The following C6orf62 variants were observed in gnomAD, a reference collection of about 807,000 sequenced individuals.
The protein encoded by C6orf62 is chromosome 6 open reading frame 62.
Under a neutral mutation model 26.8 loss-of-function variants are expected in C6orf62, and 16 were observed. The observed-to-expected ratio is 0.60, with a 90% CI of 0.40 to 0.91. The LOEUF (loss-of-function observed/expected upper bound fraction) is 0.91, where lower values mean the gene tolerates loss of function less well. Among genes scored for constraint, C6orf62 ranks in the 40% least tolerant of loss-of-function variants. C6orf62 has a pLI of 0.00. For missense variants in C6orf62, 192 were observed against 271.4 expected, an observed-to-expected ratio of 0.71 and a Z score of 2.06; for synonymous variants, 112 against 91.5, an observed-to-expected ratio of 1.22 and a Z score of -1.28.
In C6orf62 at chr6:24,716,237, C is replaced by CGAT; in HGVS notation, c.216_217insATC (p.Arg72_Asp73insIle). The CGAT allele has an allele frequency of 6.2e-7, 1 of 1,613,542 alleles. No homozygotes were observed. Among genetic ancestry groups the CGAT allele is most frequent in the South Asian group, 1.1e-5 (1 of 91,080 alleles). ...GAACTTTCCAAGGAATAGCTGGAAT[C>CGAT]TCGCACACCTTTCAGGATATTTTCT... On this transcript the variant is annotated inframe_insertion, in exon 2 of 5. Transcript: ENST00000378119.
At chr6:24,710,164 G>A (rs1432802794) in intron 3 of C6orf62, 1 of 984,890 alleles carries the variant, frequency 1.0e-6, no homozygotes, top group Non-Finnish European at 1.2e-6. Flanking sequence ...CAGCCTTAAG[G>A]GGCTTATTAT....
At chr6:24,717,139 T>C (rs965743890) in intron 1 of C6orf62, among the ~76,000 whole-genome samples, 5 of 152,234 alleles carry the variant, frequency 3.3e-5, no homozygotes. Flanking sequence ...ATTAAGTATA[T>C]ATCATGAATT....
upstream of C6orf62, chr6:24,719,821 T>TGG: frequency 1.2e-6 from 1 of 829,400 alleles, no homozygotes. Context: ...CCCCCGCAGG[T>TGG]CCCACCCCCA....
rs1220898270 is a variant in C6orf62, at chr6:24,714,358, G to C, written c.389C>G (p.Ser130Cys). Reference protein sequence around the residue: ...DIEKIVCLLFSRWKESDEPFR... With the variant: ...DIEKIVCLLFCRWKESDEPFR... ...AGGCTCATCAGATTCTTTCCACCTA[G>C]AAAACAGGAGACAGACGATTTTTTC... The change falls in exon 3 of 5, where the codon TCT becomes TGT. Residue 130 changes from serine (S) to cysteine (C), a missense_variant. Physicochemically the swap from Ser to Cys is moderately radical, Grantham distance 112. Coordinates refer to ENST00000378119, the MANE Select transcript of C6orf62 (RefSeq NM_030939.5). The C allele has an allele frequency of 6.2e-7, 1 of 1,611,360 alleles. No individual in the cohort carries two copies. The highest frequency in any genetic ancestry group is 1.7e-5 in the Admixed American group (1 of 59,656).
intron 3 of C6orf62, chr6:24,709,192 G>A (rs9467265): frequency 2.0e-6 from 2 of 980,462 alleles, no homozygotes; most frequent in African/African-American, 1.8e-5. Flanking sequence ...TTGAGATACA[G>A]AACATTTCCT....
At chr6:24,708,672 G>T (rs1323086218) in intron 4 of C6orf62, 105 bp downstream of exon 4, 9 of 1,427,970 alleles carry the variant, frequency 6.3e-6, no homozygotes, top group Non-Finnish European at 8.7e-6. Context: ...CAAAAATAAT[G>T]CAGTGTTTGG....
intron 1 of C6orf62, among the ~76,000 whole-genome samples, chr6:24,716,788 T>C (rs1392709346): frequency 2.6e-5 from 4 of 152,008 alleles, no homozygotes; most frequent in Non-Finnish European, 5.9e-5. Flanking sequence ...AGTGGCACCA[T>C]CTTGGCTCAC....
intron 4 of C6orf62, chr6:24,706,920 T>TA (rs1323950315): frequency 3.3e-5 from 5 of 151,956 alleles, no homozygotes; most frequent in African/African-American, 1.2e-4. Context: ...AAAAAATAAA[T>TA]AAAAGATTTA....
Position 24,709,370 on chromosome 6 carries a change from C to CT in C6orf62, c.430-460dup, listed in dbSNP as rs1779076183. 18 of 984,840 alleles carry CT rather than the reference C, an allele frequency of 1.8e-5. 1 individual carries two copies. The South Asian group carries it at 7.0e-4, about 39-fold the overall frequency. 61.0% of individuals were successfully genotyped at this position (984,840 alleles called of 1,614,324 possible). A position where few individuals can be genotyped will look rare whatever the true frequency, so the allele number is the denominator to read the frequency against. The stretch of plus-strand genomic sequence containing the variant: ...AGTACTTTAAGCCCCAAGGACATCT[C>CT]TTTTCTTTTGATTAGGAGTCACATT... On this transcript the variant is annotated intron_variant, in intron 3 of 4. Transcript: ENST00000378119.
At chr6:24,718,441 C>G (rs1016801963) in intron 1 of C6orf62, 99 bp downstream of exon 1, 56 of 1,223,268 alleles carry the variant, frequency 4.6e-5, no homozygotes, top group Non-Finnish European at 6.2e-5. Flanking sequence ...TTTTTTCAAC[C>G]ACTCTTTAAC....
At position 24,708,770 on chromosome 6, in the gene C6orf62, T is replaced by C. The variant is rs143743263; in HGVS notation, c.564+7A>G. On this transcript the variant is annotated splice_region_variant and intron_variant, in intron 4 of 4. Transcript: ENST00000378119. ...GCCTGTAAGTGGTTTTCAAAAAAGCTGCTTACCTGCAAGTGCTGTCTGTCA... is the reference window on the plus strand; with the variant it reads ...GCCTGTAAGTGGTTTTCAAAAAAGCCGCTTACCTGCAAGTGCTGTCTGTCA... 39 of 1,614,186 alleles carry C rather than the reference T, an allele frequency of 2.4e-5. No homozygotes were observed. The African/African-American group carries it at 3.9e-4, about 16-fold the overall frequency.
intron 3 of C6orf62, chr6:24,709,615 T>C (rs1365239260): frequency 5.1e-6 from 5 of 985,330 alleles, no homozygotes; most frequent in East Asian, 2.3e-4. Context: ...ATAGGCTATG[T>C]TTTTATGTGA....
At chr6:24,719,651 G>T, upstream of C6orf62, 1 of 1,444,578 alleles carries the variant, frequency 6.9e-7, no homozygotes, top group Non-Finnish European at 9.1e-7. Flanking sequence ...CCCCCAGCCT[G>T]CAACTAGTCC....
upstream of C6orf62, chr6:24,720,565 G>A (rs900339248): frequency 1.4e-5 from 3 of 207,896 alleles, no homozygotes; most frequent in Non-Finnish European, 2.6e-5. Flanking sequence ...ACTGGCGGCG[G>A]AGGGGGAAGG....
At chr6:24,714,461 A>G in intron 2 of C6orf62, 21 bp from the exon 3 acceptor site, 2 of 1,553,190 alleles carry the variant, frequency 1.3e-6, no homozygotes, top group Non-Finnish European at 1.7e-6. Flanking sequence ...ATTAAAAAAA[A>G]AAAAGTTTAC....
chr6:24,710,521 C>T (rs1470944930), intron 3 of C6orf62: 2 of 893,750 alleles, frequency 2.2e-6, no homozygotes, highest in Non-Finnish European at 2.7e-6. Context: ...GGCTTAGCCT[C>T]CCAAAGTGTT....
intron 1 of C6orf62, among the ~76,000 whole-genome samples, chr6:24,718,325 T>C (rs1264138629): frequency 6.6e-6 from 1 of 152,322 alleles, no homozygotes; most frequent in East Asian, 1.9e-4. Flanking sequence ...CAGACTCAAA[T>C]TTATTTCCAA....
chr6:24,719,937 G>C, upstream of C6orf62: 1 of 1,550,466 alleles, frequency 6.4e-7, no homozygotes, highest in Non-Finnish European at 8.7e-7. Context: ...GGGTGGAGTG[G>C]GCGGGAGAGG....
At position 24,718,676 on chromosome 6, in the gene C6orf62, T is replaced by C. The variant is rs780678427; in HGVS notation, c.-8A>G. On this transcript the variant is annotated 5_prime_UTR_variant, in exon 1 of 5. Coordinates refer to ENST00000378119, the MANE Select transcript of C6orf62 (RefSeq NM_030939.5). Reference sequence around the variant, plus strand: ...GGAGTTTGGGTCCCCCATTTTGAAATACAGGTGGTACTAAAGCCTTTGGAA... The same window carrying C: ...GGAGTTTGGGTCCCCCATTTTGAAACACAGGTGGTACTAAAGCCTTTGGAA... The C allele has an allele frequency of 1.9e-6, 3 of 1,613,742 alleles. No individual in the cohort carries two copies. The highest frequency in any genetic ancestry group is 1.7e-5 in the Admixed American group (1 of 59,948).
Sources: gnomAD v4.1 joint callset for allele counts (sites outside exome capture counted in the v4.1 genomes callset) on GRCh38, gnomAD v4.1.1 for gene constraint, MANE v1.5 for transcripts, NCBI Gene and HGNC (gene_info 2026-07-23, HGNC 2026-07-21) for gene names.